The following PDLIM3 variants were observed in gnomAD, a reference collection of about 807,000 sequenced individuals.
PDLIM3 encodes PDZ and LIM domain protein 3.
A neutral mutation model predicts 37.3 loss-of-function variants in PDLIM3; 36 were observed. That is an observed-to-expected ratio of 0.97 (90% CI 0.74 to 1.28). PDLIM3 has a LOEUF of 1.28. PDLIM3 is among the 50% of genes most tolerant of loss of function. The pLI, the probability that PDLIM3 is intolerant of heterozygous loss-of-function variation, is 0.00. For synonymous variants in PDLIM3, 174 were observed against 182.4 expected (o/e 0.95, Z 0.37); for missense variants, 454 against 485.0 (o/e 0.94, Z 0.60).
chr4:185,504,834 CATT>C lies in PDLIM3; in HGVS notation c.794-251_794-249del, dbSNP rs1180044536. 6.6e-6 allele frequency among the ~76,000 whole-genome samples: 1 copy of C among 152,144 alleles called. No homozygotes were observed. The highest frequency in any genetic ancestry group is 1.5e-5 in the Non-Finnish European group (1 of 68,026). On this transcript the variant is annotated intron_variant, in intron 6 of 7. Coordinates refer to ENST00000284767, the MANE Select transcript of PDLIM3 (RefSeq NM_014476.6). This position sits in a 1 kb window ranked among gnomAD's most constrained non-coding sequence, Gnocchi z 4.7. ...CAAAAACGCTCAAAGGAGCAGAGGGCATTATTATTTTTTATTGTAGCAAAATAT... is the reference window on the plus strand; with the variant it reads ...CAAAAACGCTCAAAGGAGCAGAGGGCATTATTTTTTATTGTAGCAAAATAT...
intron 3 of PDLIM3, among the ~76,000 whole-genome samples, chr4:185,519,278 G>T (rs1228355980): frequency 6.6e-6 from 1 of 152,076 alleles, no homozygotes; most frequent in East Asian, 1.9e-4. Flanking sequence ...TGATAGCATG[G>T]AAAAATTATT....
chr4:185,528,439 TAAC>T (rs2095737959), intron 1 of PDLIM3, among the ~76,000 whole-genome samples: 2 of 152,260 alleles, frequency 1.3e-5, no homozygotes, highest in Admixed American at 1.3e-4. Flanking sequence ...TAAAATTTAC[TAAC>T]AATATTAATA....
At chr4:185,510,281 T>A (rs1225496066) in intron 4 of PDLIM3, among the ~76,000 whole-genome samples, 4 of 152,204 alleles carry the variant, frequency 2.6e-5, no homozygotes, top group African/African-American at 9.6e-5. Flanking sequence ...GTAATGAACC[T>A]ACTCAACAAG....
At chr4:185,528,071 AAAAC>A (rs56939646) in intron 1 of PDLIM3, among the ~76,000 whole-genome samples, 21 of 151,146 alleles carry the variant, frequency 1.4e-4, no homozygotes, top group East Asian at 5.8e-4. Flanking sequence ...AAAACAAAAC[AAAAC>A]AAACAAACAA....
chr4:185,506,061 T>C lies in PDLIM3; in HGVS notation c.793+461A>G, dbSNP rs75892681. On this transcript the variant is annotated intron_variant, in intron 6 of 7. Coordinates refer to ENST00000284767, the MANE Select transcript of PDLIM3 (RefSeq NM_014476.6). ...CGTCTCATTTGCTAAGTAGGGCAAATAATAGGCTCACCTCCCCAAGTTCCT... is the reference window on the plus strand; with the variant it reads ...CGTCTCATTTGCTAAGTAGGGCAAACAATAGGCTCACCTCCCCAAGTTCCT... Among the ~76,000 whole-genome samples, 458 of 152,310 alleles carry C rather than the reference T, an allele frequency of 3.0e-3. 7 individuals carry two copies. In the East Asian group the frequency reaches 0.065, roughly 22 times the overall value.
At chr4:185,523,727 T>A (rs964161340) in intron 2 of PDLIM3, among the ~76,000 whole-genome samples, 3 of 150,760 alleles carry the variant, frequency 2.0e-5, no homozygotes, top group Non-Finnish European at 4.4e-5. Context: ...CAAGCGATTC[T>A]CCTCCCTCAG....
chr4:185,534,543 G>A (rs2095750063), intron 1 of PDLIM3, among the ~76,000 whole-genome samples: 1 of 152,182 alleles, frequency 6.6e-6, no homozygotes, highest in South Asian at 2.1e-4. Flanking sequence ...GAGAAACCCT[G>A]AGGTTTTATT....
At chr4:185,513,793 A>G in intron 4 of PDLIM3, 1 of 1,033,064 alleles carries the variant, frequency 9.7e-7, no homozygotes. Flanking sequence ...TAGAGAAGAT[A>G]TTTGAAAAGG....
At position 185,506,504 on chromosome 4, in the gene PDLIM3, G is replaced by A; in HGVS notation, c.793+18C>T. On this transcript the variant is annotated intron_variant, in intron 6 of 7. Transcript: ENST00000284767. Reference sequence around the variant, plus strand: ...GGCCTCTATCAATACGTTTCAGCAGGTGTCAGCGGCTGCTCACCAGAGCCA... The same window carrying A: ...GGCCTCTATCAATACGTTTCAGCAGATGTCAGCGGCTGCTCACCAGAGCCA... 1 of 1,613,462 alleles carries A rather than the reference G, an allele frequency of 6.2e-7. No homozygotes were observed. The highest frequency in any genetic ancestry group is 8.5e-7 in the Non-Finnish European group (1 of 1,179,980).
At chr4:185,530,179 G>A (rs1046331239) in intron 1 of PDLIM3, among the ~76,000 whole-genome samples, 1 of 152,144 alleles carries the variant, frequency 6.6e-6, no homozygotes, top group Admixed American at 6.5e-5. Flanking sequence ...ACGTAGACAC[G>A]GTCTGTGTTA....
intron 7 of PDLIM3, among the ~76,000 whole-genome samples, 191 bp from the exon 8 acceptor site, chr4:185,502,674 A>G (rs1484400297): frequency 6.6e-6 from 1 of 152,172 alleles, no homozygotes; most frequent in Admixed American, 6.5e-5. Context: ...TCCACAATAA[A>G]CCATCCCGTG....
chr4:185,512,671 C>T, intron 4 of PDLIM3: 1 of 985,248 alleles, frequency 1.0e-6, no homozygotes, highest in Non-Finnish European at 1.2e-6. Flanking sequence ...TCACTTTATT[C>T]AAGCCTTCTG....
At position 185,504,457 on chromosome 4, in the gene PDLIM3, G is replaced by A; in HGVS notation, c.905+18C>T. On this transcript the variant is annotated intron_variant, in intron 7 of 7. Coordinates refer to ENST00000284767, the MANE Select transcript of PDLIM3 (RefSeq NM_014476.6). The surrounding 1 kb of genome is among the most constrained non-coding windows in gnomAD (Gnocchi z 4.7). ...GCCAAGCTGTATCGTAAATTCCAGG[G>A]TTAAAAGTGAAACTTACACTATGCC... The A allele has an allele frequency of 6.3e-7, 1 of 1,577,574 alleles. No homozygotes were observed. The highest frequency in any genetic ancestry group is 8.7e-7 in the Non-Finnish European group (1 of 1,146,888).
Position 185,504,667 on chromosome 4 carries a change from C to T in PDLIM3, c.794-81G>A. On this transcript the variant is annotated intron_variant, in intron 6 of 7. Coordinates refer to ENST00000284767, the MANE Select transcript of PDLIM3 (RefSeq NM_014476.6). This position sits in a 1 kb window ranked among gnomAD's most constrained non-coding sequence, Gnocchi z 4.7. Reference sequence around the variant, plus strand: ...CTTGGCTTCTATTTTAAAGTGTGCACTTTAACCTGAAGTTGCATCTGCACC... The same window carrying T: ...CTTGGCTTCTATTTTAAAGTGTGCATTTTAACCTGAAGTTGCATCTGCACC... The T allele has an allele frequency of 7.1e-6, 8 of 1,123,294 alleles. No individual in the cohort carries two copies. Among genetic ancestry groups the T allele is most frequent in the Non-Finnish European group, 1.1e-5 (8 of 756,746 alleles). The allele number at this position is 1,123,294 out of a possible 1,614,324, so 69.6% of individuals were successfully genotyped here.
chr4:185,523,318 T>A (rs2095725874), intron 3 of PDLIM3, 44 bp downstream of exon 3: 3 of 1,370,822 alleles, frequency 2.2e-6, no homozygotes, highest in Non-Finnish European at 3.1e-6. Flanking sequence ...TCCCCATGAT[T>A]TAAAAGGAAA....
intron 6 of PDLIM3, among the ~76,000 whole-genome samples, chr4:185,505,962 G>A (rs935104873): frequency 2.0e-5 from 3 of 152,238 alleles, no homozygotes; most frequent in Non-Finnish European, 4.4e-5. Context: ...AAGATGACGG[G>A]AGTGGGCTGG....
At chr4:185,528,208 A>C (rs2095737599) in intron 1 of PDLIM3, among the ~76,000 whole-genome samples, 1 of 152,234 alleles carries the variant, frequency 6.6e-6, no homozygotes, top group African/African-American at 2.4e-5. Context: ...GGAAAAGTCT[A>C]ACTTTTCTTT....
chr4:185,511,134 G>A (rs1002499785), intron 4 of PDLIM3, among the ~76,000 whole-genome samples: 13 of 152,096 alleles, frequency 8.5e-5, no homozygotes, highest in South Asian at 2.1e-4. Flanking sequence ...GCATACTTCC[G>A]GAAGCAACTT....
chr4:185,529,820 GA>G (rs1321275160), intron 1 of PDLIM3, among the ~76,000 whole-genome samples: 1 of 152,138 alleles, frequency 6.6e-6, no homozygotes, highest in Non-Finnish European at 1.5e-5. Flanking sequence ...GAAAGTATAA[GA>G]AGCTTGGTTA....
Sources: gnomAD v4.1 joint callset for allele counts (sites outside exome capture counted in the v4.1 genomes callset) on GRCh38, gnomAD v4.1.1 for gene constraint, Gnocchi (gnomAD v3.1) non-coding constraint, MANE v1.5 for transcripts, NCBI Gene and HGNC (gene_info 2026-07-23, HGNC 2026-07-21) for gene names.